The following SLCO1A2 variants were observed in gnomAD, a reference collection of about 807,000 sequenced individuals.
The protein encoded by SLCO1A2 is OATP-1.
A neutral mutation model predicts 69.0 loss-of-function variants in SLCO1A2; 67 were observed. The ratio of observed to expected loss-of-function variants is 0.97; its 90% CI spans 0.80 to 1.19. The LOEUF (loss-of-function observed/expected upper bound fraction) is 1.19, where lower values mean the gene tolerates loss of function less well. Ranked by LOEUF, SLCO1A2 falls within the 50% of genes most tolerant of loss-of-function variation. The pLI, the probability that SLCO1A2 is intolerant of heterozygous loss-of-function variation, is 0.00. For synonymous variants in SLCO1A2, 260 were observed against 265.9 expected, an observed-to-expected ratio of 0.98 and a Z score of 0.22; for missense variants, 787 against 793.7, an observed-to-expected ratio of 0.99 and a Z score of 0.10.
chr12:21,382,701 G>A (rs968076245), intron 1 of SLCO1A2, among the ~76,000 whole-genome samples: 12 of 151,102 alleles, frequency 7.9e-5, no homozygotes, highest in Non-Finnish European at 8.9e-5. Context: ...AGGCTGAGAC[G>A]GGAGAGTCGC....
chr12:21,299,793 C>CACGTATATATATATATATAT (rs1456572665), intron 8 of SLCO1A2, among the ~76,000 whole-genome samples: 2,403 of 113,588 alleles, frequency 0.021, 44 homozygotes, highest in Non-Finnish European at 0.028. Context: ...TATATATACA[C>CACGTATATATATATATATAT]ACACACGTAT....
intron 2 of SLCO1A2, among the ~76,000 whole-genome samples, chr12:21,348,034 A>T (rs963292298): frequency 2.0e-5 from 3 of 152,192 alleles, no homozygotes; most frequent in Non-Finnish European, 4.4e-5. Flanking sequence ...TGCTAAATTC[A>T]ACATCCACCT....
intron 2 of SLCO1A2, among the ~76,000 whole-genome samples, chr12:21,331,904 TG>T (rs1952644249): frequency 6.6e-6 from 1 of 152,024 alleles, no homozygotes; most frequent in African/African-American, 2.4e-5. Context: ...CTGGAGTGGG[TG>T]GGGGCTCCCA....
chr12:21,411,687 AT>A (rs10618219), intron 1 of SLCO1A2, among the ~76,000 whole-genome samples: 31,260 of 149,750 alleles, frequency 0.21, 3,339 homozygotes, highest in East Asian at 0.38. Context: ...CATCAGTATA[AT>A]TTTTTTTTTT....
At chr12:21,364,524 CAT>C (rs1353571895) in intron 2 of SLCO1A2, among the ~76,000 whole-genome samples, 1 of 152,144 alleles carries the variant, frequency 6.6e-6, no homozygotes, top group Non-Finnish European at 1.5e-5. Flanking sequence ...TCCTATTCAA[CAT>C]AGTGTTGGAA....
Position 21,378,549 on chromosome 12 carries a change from A to C in SLCO1A2, c.-189-4024T>G, listed in dbSNP as rs1419446788. 3 of 779,450 alleles carry C rather than the reference A, an allele frequency of 3.8e-6. No individual in the cohort carries two copies. In the East Asian group the frequency reaches 7.9e-5, roughly 20 times the overall value. The allele number at this position is 779,450 out of a possible 1,614,324, so 48.3% of individuals were successfully genotyped here. A position where few individuals can be genotyped will look rare whatever the true frequency, so the allele number is the denominator to read the frequency against. ...TGTGTCTGATGTTTGTTGCTAGGAC[A>C]TATACCTTCTCAAAAGATTGTTTTA... On this transcript the variant is annotated intron_variant, in intron 1 of 15. Coordinates refer to the SLCO1A2 transcript ENST00000307378.
At chr12:21,346,866 T>G (rs1327983306) in intron 2 of SLCO1A2, among the ~76,000 whole-genome samples, 1 of 152,124 alleles carries the variant, frequency 6.6e-6, no homozygotes, top group East Asian at 1.9e-4. Context: ...TATTTAACAG[T>G]AATTTCCAAT....
Position 21,280,235 on chromosome 12 carries a change from G to A in SLCO1A2, c.1611-4811C>T, listed in dbSNP as rs75204750. On this transcript the variant is annotated intron_variant, in intron 12 of 14. Coordinates refer to ENST00000683939, the MANE Select transcript of SLCO1A2 (RefSeq NM_001386879.1). The stretch of plus-strand genomic sequence containing the variant: ...ATGGCAGCAGTAAGACCTTTCTTAC[G>A]AATAAGATTATTTAATGTAAATAGA... Among the ~76,000 whole-genome samples the A allele has an allele frequency of 5.8e-3, 878 of 151,966 alleles. 13 individuals carry two copies. The highest frequency in any genetic ancestry group is 0.02 in the African/African-American group (840 of 41,458).
rs576357828 is a variant in SLCO1A2 at position 21,412,833 on chromosome 12, T to C, written c.-312+5049A>G. On this transcript the variant is annotated intron_variant, in intron 1 of 4. Transcript: ENST00000413682. Reference sequence around the variant, plus strand: ...CATGATCAAGGAATAAGGATATAGATAAAAATGCTGCCAGGTCACGGTGCT... The same window carrying C: ...CATGATCAAGGAATAAGGATATAGACAAAAATGCTGCCAGGTCACGGTGCT... 2.6e-5 allele frequency among the ~76,000 whole-genome samples: 4 copies of C among 152,230 alleles called. 1 individual carries two copies. The highest frequency in any genetic ancestry group is 7.2e-5 in the African/African-American group (3 of 41,546).
At chr12:21,319,680 G>T in intron 2 of SLCO1A2, 1 of 333,244 alleles carries the variant, frequency 3.0e-6, no homozygotes. Context: ...ATTGGCTTCT[G>T]TTTATCCTTA....
intron 3 of SLCO1A2, among the ~76,000 whole-genome samples, chr12:21,317,349 A>T (rs1185171711): frequency 1.3e-5 from 2 of 152,102 alleles, no homozygotes; most frequent in Non-Finnish European, 2.9e-5. Flanking sequence ...GTTGCTTCTC[A>T]CATAGGCTAT....
chr12:21,290,972 G>A (rs7305484), intron 12 of SLCO1A2, among the ~76,000 whole-genome samples: 2,317 of 152,116 alleles, frequency 0.015, 52 homozygotes, highest in African/African-American at 0.053. Flanking sequence ...GAAAAACATA[G>A]GATGCAGGAA....
chr12:21,352,717 ATATCT>A (rs1938057964), intron 2 of SLCO1A2, among the ~76,000 whole-genome samples: 1 of 152,246 alleles, frequency 6.6e-6, no homozygotes, highest in African/African-American at 2.4e-5. Context: ...AATGCGAGAA[ATATCT>A]TCAATCCATT....
rs1368700865 is a variant in SLCO1A2, at chr12:21,268,802, T to C, written c.*746A>G. Reference sequence around the variant, plus strand: ...TTTAAGAACTGGAGTTTTTATAATATTGTCCTTTCATCCTTTGATTCAGAC... The same window carrying C: ...TTTAAGAACTGGAGTTTTTATAATACTGTCCTTTCATCCTTTGATTCAGAC... On this transcript the variant is annotated 3_prime_UTR_variant, in exon 15 of 15. Transcript: ENST00000683939. The C allele has an allele frequency of 6.6e-6, 1 of 152,016 alleles. No individual in the cohort carries two copies. Among genetic ancestry groups the C allele is most frequent in the African/African-American group, 2.4e-5 (1 of 41,422 alleles). 9.4% of individuals were successfully genotyped at this position (152,016 alleles called of 1,614,324 possible).
At chr12:21,370,662 G>A (rs1013622330) in intron 2 of SLCO1A2, among the ~76,000 whole-genome samples, 8 of 151,856 alleles carry the variant, frequency 5.3e-5, no homozygotes, top group Non-Finnish European at 8.8e-5. Context: ...TAACATCTTA[G>A]AGAAACAAAA....
intron 12 of SLCO1A2, among the ~76,000 whole-genome samples, chr12:21,282,385 G>T (rs138796018): frequency 4.8e-5 from 7 of 146,074 alleles, no homozygotes; most frequent in African/African-American, 1.9e-4. Flanking sequence ...ATTCAGCATC[G>T]CTTTATGGTA....
At position 21,356,136 on chromosome 12, in the gene SLCO1A2, T is replaced by C. The variant is rs1415927293; in HGVS notation, c.-63+18263A>G. On this transcript the variant is annotated intron_variant, in intron 2 of 15. Coordinates refer to the SLCO1A2 transcript ENST00000307378. ...ACAGCTCTATAAGTAACTAGCGCTG[T>C]GACTTTGAGTATGTTACTACCGTCT... 3.3e-5 allele frequency among the ~76,000 whole-genome samples: 5 copies of C among 152,234 alleles called. No individual in the cohort carries two copies. The East Asian group carries it at 5.8e-4, about 18-fold the overall frequency.
At chr12:21,383,069 T>C (rs555305071) in intron 1 of SLCO1A2, among the ~76,000 whole-genome samples, 58 of 152,220 alleles carry the variant, frequency 3.8e-4, no homozygotes, top group Non-Finnish European at 6.8e-4. Flanking sequence ...ACTAAAATAG[T>C]TATTCACTTT....
chr12:21,371,157 G>C (rs1939761085), intron 2 of SLCO1A2, among the ~76,000 whole-genome samples: 1 of 152,282 alleles, frequency 6.6e-6, no homozygotes, highest in African/African-American at 2.4e-5. Context: ...TGGGTCATCT[G>C]GTCATTGCCC....
Sources: gnomAD v4.1 joint callset for allele counts (sites outside exome capture counted in the v4.1 genomes callset) on GRCh38, gnomAD v4.1.1 for gene constraint, MANE v1.5 for transcripts, NCBI Gene and HGNC (gene_info 2026-07-23, HGNC 2026-07-21) for gene names.